Variants in KLF13 observed in about 807,000 individuals in gnomAD.
The protein encoded by KLF13 is KLF transcription factor 13.
Under a neutral mutation model 16.7 loss-of-function variants are expected in KLF13, and 8 were observed. The ratio of observed to expected loss-of-function variants is 0.48; its 90% CI spans 0.28 to 0.87. The LOEUF (loss-of-function observed/expected upper bound fraction) is 0.87. KLF13 is among the 40% of genes least tolerant of loss of function. The probability of loss-of-function intolerance (pLI) is 0.10; values close to 1 mark genes in which losing one functional copy is unlikely to be tolerated. For synonymous variants in KLF13, 245 were observed against 208.4 expected, an observed-to-expected ratio of 1.18 and a Z score of -1.51; for missense variants, 447 against 452.2, an observed-to-expected ratio of 0.99 and a Z score of 0.10.
intron 1 of KLF13, 104 bp from the exon 2 acceptor site, chr15:31,371,906 G>A: frequency 8.0e-7 from 1 of 1,256,048 alleles, no homozygotes; most frequent in Non-Finnish European, 1.1e-6. Context: ...CATGTGGGAG[G>A]GGTGTTGAGA....
chr15:31,334,845 G>A (rs7182887), intron 1 of KLF13, among the ~76,000 whole-genome samples: 1 of 152,218 alleles, frequency 6.6e-6, no homozygotes, highest in Admixed American at 6.5e-5. Flanking sequence ...TGTGCTGTGT[G>A]GCTGAGGTTG....
At chr15:31,409,270 G>A, downstream of KLF13, among the ~76,000 whole-genome samples, 1 of 151,976 alleles carries the variant, frequency 6.6e-6, no homozygotes, top group Non-Finnish European at 1.5e-5. Context: ...GGGCAACAGA[G>A]CAGGACTCTA....
chr15:31,362,958 AGTT>A (rs2039412735), intron 1 of KLF13, among the ~76,000 whole-genome samples: 1 of 152,226 alleles, frequency 6.6e-6, no homozygotes, highest in Non-Finnish European at 1.5e-5. Context: ...GAAGGACATG[AGTT>A]GTTTTCAGGT....
Position 31,346,126 on chromosome 15 carries a change from G to A in KLF13, c.577+18337G>A, listed in dbSNP as rs912508673. 2.8e-4 allele frequency among the ~76,000 whole-genome samples: 43 copies of A among 151,934 alleles called. 1 individual carries two copies. Among genetic ancestry groups the A allele is most frequent in the Admixed American group, 2.0e-4 (3 of 15,262 alleles). On this transcript the variant is annotated intron_variant, in intron 1 of 1. Transcript: ENST00000307145. ...CTCAGGAGCCCCCGAGAACCCTGAC[G>A]GGAACCCAGAGCTGTTCCGCACAGA...
chr15:31,411,355 G>A (rs375428902), intron 1 of KLF13, among the ~76,000 whole-genome samples: 2 of 150,998 alleles, frequency 1.3e-5, no homozygotes, highest in South Asian at 2.1e-4. Context: ...ATCAACATTC[G>A]AAATTCAATC....
intron 1 of KLF13, among the ~76,000 whole-genome samples, chr15:31,371,043 G>A (rs2039547987): frequency 6.6e-6 from 1 of 152,202 alleles, no homozygotes; most frequent in African/African-American, 2.4e-5. Context: ...GGGTGAGAGG[G>A]GATGAGACCG....
At chr15:31,382,649 G>T (rs532019296), downstream of KLF13, among the ~76,000 whole-genome samples, 3 of 152,266 alleles carry the variant, frequency 2.0e-5, no homozygotes, top group South Asian at 6.2e-4. Flanking sequence ...TGTGTCCAAT[G>T]CAATGTCCTC....
At chr15:31,413,032 G>T (rs140505794) in intron 1 of KLF13, among the ~76,000 whole-genome samples, 1 of 152,170 alleles carries the variant, frequency 6.6e-6, no homozygotes, top group Non-Finnish European at 1.5e-5. Flanking sequence ...CTTTGCAGAG[G>T]CATCAATGCC....
chr15:31,426,024 C>T (rs536053414), intron 1 of KLF13, among the ~76,000 whole-genome samples: 119 of 152,284 alleles, frequency 7.8e-4, no homozygotes, highest in African/African-American at 2.6e-3. Context: ...GAGCAAAATG[C>T]CTCCAGTCTC....
chr15:31,346,401 G>T (rs1019868231), intron 1 of KLF13, among the ~76,000 whole-genome samples: 6 of 152,142 alleles, frequency 3.9e-5, no homozygotes, highest in Middle Eastern at 3.2e-3. Context: ...CTTTGGTAAA[G>T]AGTATGATGG....
chr15:31,347,479 T>TGGGCTGGGGAGGGGCCC (rs1160446614), intron 1 of KLF13, among the ~76,000 whole-genome samples: 4 of 152,066 alleles, frequency 2.6e-5, no homozygotes, highest in Non-Finnish European at 5.9e-5. Flanking sequence ...CTCAGGGGGC[T>TGGGCTGGGGAGGGGCCC]GGGCTGGGGA....
chr15:31,367,138 C>T (rs1257340964), intron 1 of KLF13, among the ~76,000 whole-genome samples: 3 of 152,222 alleles, frequency 2.0e-5, no homozygotes, highest in Admixed American at 6.5e-5. Flanking sequence ...CGCCTCCACC[C>T]GTTCTCCCTT....
chr15:31,404,875 T>C (rs1004816432), downstream of KLF13: 1 of 152,238 alleles, frequency 6.6e-6, no homozygotes, highest in Non-Finnish European at 1.5e-5. Flanking sequence ...GTCCACAGTT[T>C]GGGAAGAGTG....
intron 1 of KLF13, 121 bp downstream of exon 1, chr15:31,327,910 G>A: frequency 9.1e-7 from 1 of 1,098,944 alleles, no homozygotes. Flanking sequence ...GAACGCCCGG[G>A]GCCTCGCCCC....
intron 1 of KLF13, among the ~76,000 whole-genome samples, chr15:31,434,767 A>C (rs988088572): frequency 6.6e-6 from 1 of 152,180 alleles, no homozygotes; most frequent in Non-Finnish European, 1.5e-5. Flanking sequence ...GCAGCAGCCC[A>C]CGCCTCCCTG....
chr15:31,392,628 G>C (rs1445878046), upstream of KLF13, among the ~76,000 whole-genome samples: 1 of 152,230 alleles, frequency 6.6e-6, no homozygotes, highest in African/African-American at 2.4e-5. Context: ...CCTGTCCTGG[G>C]GGTCCGCCCT....
At chr15:31,340,161 C>T (rs1170816846) in intron 1 of KLF13, among the ~76,000 whole-genome samples, 1 of 152,226 alleles carries the variant, frequency 6.6e-6, no homozygotes, top group African/African-American at 2.4e-5. Context: ...CTGAGGCAGG[C>T]TGAGGATGTA....
rs1472672014 is a variant in KLF13, at chr15:31,375,721, GA to G, written c.*3426del. Reference sequence around the variant, plus strand: ...CCTACTGGATCCTACAGCCATACAGGAAAACAGACGGACACAGCCCTTTCCT... The same window carrying G: ...CCTACTGGATCCTACAGCCATACAGGAAACAGACGGACACAGCCCTTTCCT... On this transcript the variant is annotated 3_prime_UTR_variant, in exon 2 of 2. Coordinates refer to ENST00000307145, the MANE Select transcript of KLF13 (RefSeq NM_015995.4). The G allele has an allele frequency of 6.6e-6, 1 of 152,198 alleles. No individual in the cohort carries two copies. The highest frequency in any genetic ancestry group is 2.4e-5 in the African/African-American group (1 of 41,438). The allele number at this position is 152,198 out of a possible 1,614,324, so 9.4% of individuals were successfully genotyped here.
intron 1 of KLF13, among the ~76,000 whole-genome samples, chr15:31,351,549 A>G (rs2039217517): frequency 6.6e-6 from 1 of 152,142 alleles, no homozygotes; most frequent in South Asian, 2.1e-4. Flanking sequence ...CGTCCACCTC[A>G]TTATTTTCAG....
Sources: allele counts gnomAD v4.1 joint callset (sites outside exome capture counted in the v4.1 genomes callset), GRCh38; gene constraint gnomAD v4.1.1; transcripts MANE v1.5; gene names NCBI Gene and HGNC (gene_info 2026-07-23, HGNC 2026-07-21).